The following XKR6 variants were observed in gnomAD, a reference collection of about 807,000 sequenced individuals.
The protein encoded by XKR6 is XK-related protein 6.
XKR6 carries 22 observed loss-of-function variants against 56.7 expected under a neutral mutation model. The observed-to-expected ratio is 0.39, with a 90% CI of 0.28 to 0.55. The LOEUF (loss-of-function observed/expected upper bound fraction) is 0.55, where lower values mean the gene tolerates loss of function less well. XKR6 is among the 20% of genes least tolerant of loss of function. XKR6 has a pLI of 0.66. For synonymous variants in XKR6, 524 were observed against 387.8 expected (o/e 1.35, Z -4.13); for missense variants, 852 against 889.0 (o/e 0.96, Z 0.53).
intron 1 of XKR6, among the ~76,000 whole-genome samples, chr8:11,039,096 T>A (rs891373745): frequency 2.6e-5 from 4 of 152,150 alleles, no homozygotes; most frequent in African/African-American, 9.7e-5. Flanking sequence ...CAGGGGACTT[T>A]GGCAGGAAGA....
chr8:11,134,717 GC>G (rs1486606838), intron 1 of XKR6, among the ~76,000 whole-genome samples: 3 of 151,668 alleles, frequency 2.0e-5, no homozygotes, highest in Non-Finnish European at 4.4e-5. Context: ...CACACACACA[GC>G]CCCAAAAGAA....
intron 1 of XKR6, among the ~76,000 whole-genome samples, chr8:11,150,280 C>A (rs1468815886): frequency 6.6e-6 from 1 of 152,042 alleles, no homozygotes; most frequent in African/African-American, 2.4e-5. Context: ...GTCATGGATA[C>A]CCCAAATAAC....
At chr8:11,179,304 G>T (rs775936359) in intron 1 of XKR6, among the ~76,000 whole-genome samples, 3 of 152,116 alleles carry the variant, frequency 2.0e-5, no homozygotes, top group Non-Finnish European at 4.4e-5. Flanking sequence ...ACTGTTAACT[G>T]ACAATTTTCT....
chr8:11,015,073 C>A (rs1022893723), intron 1 of XKR6, among the ~76,000 whole-genome samples: 1 of 152,172 alleles, frequency 6.6e-6, no homozygotes, highest in Non-Finnish European at 1.5e-5. Context: ...ACAGACAAAA[C>A]TCATCTACGA....
chr8:11,022,054 T>C (rs1164240086), intron 1 of XKR6, among the ~76,000 whole-genome samples: 1 of 150,928 alleles, frequency 6.6e-6, no homozygotes, highest in Non-Finnish European at 1.5e-5. Context: ...CTGAAGGAGT[T>C]CATGGCCCAC....
At chr8:11,153,740 T>C (rs1801372314) in intron 1 of XKR6, among the ~76,000 whole-genome samples, 1 of 152,218 alleles carries the variant, frequency 6.6e-6, no homozygotes, top group Non-Finnish European at 1.5e-5. Flanking sequence ...ATCTCCATTC[T>C]TTGATCTGCT....
chr8:11,029,188 T>A (rs552097212), intron 1 of XKR6, among the ~76,000 whole-genome samples: 1 of 152,128 alleles, frequency 6.6e-6, no homozygotes, highest in Non-Finnish European at 1.5e-5. Context: ...TTCACTCTCA[T>A]AGTCCCAATT....
At chr8:10,907,804 C>T (rs867580721) in intron 2 of XKR6, among the ~76,000 whole-genome samples, 27 of 152,338 alleles carry the variant, frequency 1.8e-4, no homozygotes, top group South Asian at 1.2e-3. Flanking sequence ...ATTTGTGGGT[C>T]TACACAGCCG....
chr8:11,142,939 C>T (rs373605344), intron 1 of XKR6, among the ~76,000 whole-genome samples: 1 of 152,090 alleles, frequency 6.6e-6, no homozygotes. Flanking sequence ...GAACTGGTCA[C>T]GTTCTAAGGA....
intron 1 of XKR6, among the ~76,000 whole-genome samples, chr8:10,974,483 C>T (rs561956463): frequency 7.2e-5 from 11 of 152,314 alleles, no homozygotes; most frequent in African/African-American, 2.6e-4. Flanking sequence ...AATCCTAAGC[C>T]TGGGCCACGG....
chr8:11,122,961 G>A (rs912689200), intron 1 of XKR6, among the ~76,000 whole-genome samples: 3 of 151,130 alleles, frequency 2.0e-5, no homozygotes, highest in African/African-American at 4.9e-5. Flanking sequence ...CCTCTGCCGG[G>A]TGCAGTGGCT....
intron 1 of XKR6, among the ~76,000 whole-genome samples, chr8:11,157,113 C>A (rs1432784496): frequency 1.3e-5 from 2 of 152,088 alleles, no homozygotes; most frequent in Non-Finnish European, 2.9e-5. Flanking sequence ...TCATACTAAC[C>A]CAAATTGACA....
At chr8:11,075,836 G>A (rs1201428884) in intron 1 of XKR6, among the ~76,000 whole-genome samples, 1 of 152,104 alleles carries the variant, frequency 6.6e-6, no homozygotes, top group African/African-American at 2.4e-5. Flanking sequence ...TCACACCATT[G>A]CACTCCAGCC....
intron 1 of XKR6, among the ~76,000 whole-genome samples, chr8:11,173,751 G>A (rs577568640): frequency 2.6e-5 from 4 of 152,244 alleles, no homozygotes; most frequent in South Asian, 2.1e-4. Flanking sequence ...GTTTTCTTCT[G>A]CTCACAACCC....
chr8:11,183,157 A>C (rs1803086449), intron 1 of XKR6, among the ~76,000 whole-genome samples: 2 of 152,174 alleles, frequency 1.3e-5, no homozygotes, highest in African/African-American at 4.8e-5. Context: ...TACTGTGAAT[A>C]GTGCTGCTAT....
chr8:11,132,097 C>G (rs1774365909), intron 1 of XKR6, among the ~76,000 whole-genome samples: 1 of 152,104 alleles, frequency 6.6e-6, no homozygotes, highest in Admixed American at 6.6e-5. Flanking sequence ...ACCCGAGATT[C>G]TGATGCAGTA....
intron 1 of XKR6, among the ~76,000 whole-genome samples, chr8:11,153,827 G>T (rs985714575): frequency 6.6e-6 from 1 of 152,170 alleles, no homozygotes; most frequent in Non-Finnish European, 1.5e-5. Flanking sequence ...CCCATCAACA[G>T]ATCCTCATGC....
rs565338211 is a variant in XKR6 at position 11,056,752 on chromosome 8, T to C, written c.765-131922A>G. Among the ~76,000 whole-genome samples, 25 of 152,356 alleles carry C rather than the reference T, an allele frequency of 1.6e-4. No homozygotes were observed. The South Asian group carries it at 5.2e-3, about 32-fold the overall frequency. On this transcript the variant is annotated intron_variant, in intron 1 of 2. Transcript: ENST00000416569. Reference sequence around the variant, plus strand: ...TGTGACCCCACTACCTTTTCTTCAATGGGAGAGGGAGCCTGAGCCCTTTTC... The same window carrying C: ...TGTGACCCCACTACCTTTTCTTCAACGGGAGAGGGAGCCTGAGCCCTTTTC...
chr8:10,924,352 G>A (rs927682545), intron 2 of XKR6, among the ~76,000 whole-genome samples: 3 of 152,376 alleles, frequency 2.0e-5, no homozygotes, highest in Admixed American at 2.0e-4. Flanking sequence ...CCCCTGATGG[G>A]GAGACCCAGA....
Sources: allele counts gnomAD v4.1 joint callset (sites outside exome capture counted in the v4.1 genomes callset), GRCh38; gene constraint gnomAD v4.1.1; transcripts MANE v1.5; gene names NCBI Gene and HGNC (gene_info 2026-07-23, HGNC 2026-07-21).